SLCO2A1: variants seen among roughly 807,000 people sequenced by gnomAD.
The protein encoded by SLCO2A1 is solute carrier organic anion transporter family member 2A1.
In SLCO2A1, 60 loss-of-function variants were observed where a neutral mutation model predicts 71.7. That is an observed-to-expected ratio of 0.84 (90% CI 0.68 to 1.04). The LOEUF is 1.04. SLCO2A1 is among the 50% of genes least tolerant of loss of function. The pLI, the probability that SLCO2A1 is intolerant of heterozygous loss-of-function variation, is 0.00. For missense variants in SLCO2A1, 745 were observed against 813.4 expected (o/e 0.92, Z 1.02); for synonymous variants, 308 against 326.7 (o/e 0.94, Z 0.62).
intron 7 of SLCO2A1, 52 bp downstream of exon 7, chr3:133,948,841 T>C (rs1933657249): frequency 3.8e-6 from 6 of 1,598,786 alleles, no homozygotes; most frequent in Admixed American, 3.3e-5. Context: ...CCCTGGCCAC[T>C]ATCCCCTCCC....
intron 3 of SLCO2A1, among the ~76,000 whole-genome samples, chr3:133,963,425 G>A (rs1379863891): frequency 1.3e-5 from 2 of 152,188 alleles, no homozygotes; most frequent in Non-Finnish European, 2.9e-5. Context: ...CTAGAGCTGG[G>A]GTAGGGAGGG....
intron 1 of SLCO2A1, among the ~76,000 whole-genome samples, chr3:133,981,974 CAAAAA>C (rs34863339): frequency 9.1e-6 from 1 of 109,812 alleles, no homozygotes; most frequent in Non-Finnish European, 1.8e-5. Context: ...GACTCCGTCT[CAAAAA>C]AAAAAAAAAA....
intron 1 of SLCO2A1, among the ~76,000 whole-genome samples, chr3:134,025,573 AG>A (rs1396440306): frequency 2.6e-5 from 4 of 152,222 alleles, no homozygotes; most frequent in African/African-American, 9.6e-5. Flanking sequence ...GAGGCTATAT[AG>A]CAGAAAATAA....
chr3:133,964,615 AAAG>A (rs1216755318), intron 3 of SLCO2A1, among the ~76,000 whole-genome samples: 3 of 152,224 alleles, frequency 2.0e-5, no homozygotes, highest in African/African-American at 7.2e-5. Context: ...CTGTGGAGGA[AAAG>A]AAGCTCAGGG....
At chr3:133,975,898 ACT>A (rs1189459060) in intron 2 of SLCO2A1, among the ~76,000 whole-genome samples, 1 of 151,842 alleles carries the variant, frequency 6.6e-6, no homozygotes, top group Non-Finnish European at 1.5e-5. Flanking sequence ...CCCATCCATG[ACT>A]CTCTCTCTTC....
chr3:134,029,777 G>C lies in SLCO2A1; in HGVS notation c.26C>G (p.Ala9Gly). The stretch of plus-strand genomic sequence containing the variant: ...AGTAGAGGTGTCGCTGCCCTGGGAC[G>C]CGCCGAGCTTGGGCAGGAGCCCCAT... MGLLPKLG[A>G]SQGSDTSTSR... is the part of the protein sequence containing the mutation. Residue 9 changes from alanine (A) to glycine (G), a missense_variant, in exon 1 of 14, where the codon GCG becomes GGG. Physicochemically the swap from Ala to Gly is moderately conservative, Grantham distance 60 (BLOSUM62 0). Coordinates refer to ENST00000310926, the MANE Select transcript of SLCO2A1 (RefSeq NM_005630.3). The C allele has an allele frequency of 6.4e-7, 1 of 1,551,114 alleles. No homozygotes were observed. Among genetic ancestry groups the C allele is most frequent in the Non-Finnish European group, 8.7e-7 (1 of 1,154,446 alleles).
At chr3:134,010,581 G>A (rs1294251651) in intron 1 of SLCO2A1, among the ~76,000 whole-genome samples, 2 of 151,948 alleles carry the variant, frequency 1.3e-5, no homozygotes, top group Non-Finnish European at 2.9e-5. Context: ...GTTAAACCCT[G>A]TCTCTACTAA....
intron 3 of SLCO2A1, among the ~76,000 whole-genome samples, chr3:133,958,213 ATG>A (rs1293325733): frequency 2.0e-5 from 3 of 152,134 alleles, no homozygotes; most frequent in African/African-American, 7.2e-5. Context: ...AGGCTAACAG[ATG>A]TTGGAAGGCC....
intron 1 of SLCO2A1, among the ~76,000 whole-genome samples, chr3:134,003,098 C>G (rs1458267054): frequency 6.6e-6 from 1 of 151,902 alleles, no homozygotes; most frequent in African/African-American, 2.4e-5. Flanking sequence ...TTCTCAAAGG[C>G]AAGTGCAAGG....
intron 1 of SLCO2A1, among the ~76,000 whole-genome samples, chr3:133,986,416 C>G (rs573365061): frequency 2.6e-5 from 4 of 152,090 alleles, no homozygotes; most frequent in African/African-American, 9.7e-5. Flanking sequence ...AAGGGCTGTG[C>G]GTGTGTGTTA....
rs548924513 is a variant in SLCO2A1 at position 133,945,315 on chromosome 3, C to G, written c.1296-55G>C. On this transcript the variant is annotated intron_variant, in intron 9 of 13. Transcript: ENST00000310926. ...AACAAAGCAAGACCAAAGAAAAACC[C>G]TACACTCCAGCCCAGTGTGAGTTCC... 3.1e-4 allele frequency: 472 copies of G among 1,533,238 alleles called. 1 individual carries two copies. In the African/African-American group the frequency reaches 6.1e-3, roughly 20 times the overall value. 95.0% of individuals were successfully genotyped at this position (1,533,238 alleles called of 1,614,324 possible).
intron 1 of SLCO2A1, among the ~76,000 whole-genome samples, chr3:134,020,479 T>TCCCACTGGGGCAAAC (rs1308859125): frequency 6.6e-6 from 1 of 152,220 alleles, no homozygotes; most frequent in Non-Finnish European, 1.5e-5. Flanking sequence ...CGCTCAGGGG[T>TCCCACTGGGGCAAAC]AGGCATTTGC....
At chr3:134,026,756 C>A (rs1319138063) in intron 1 of SLCO2A1, among the ~76,000 whole-genome samples, 2 of 152,200 alleles carry the variant, frequency 1.3e-5, no homozygotes, top group African/African-American at 4.8e-5. Flanking sequence ...TGACTACTTG[C>A]TAGCAGCTGA....
intron 12 of SLCO2A1, among the ~76,000 whole-genome samples, chr3:133,936,307 A>T (rs1428543136): frequency 1.3e-5 from 2 of 152,138 alleles, no homozygotes; most frequent in Non-Finnish European, 2.9e-5. Flanking sequence ...GTGAAGAGGA[A>T]GGGGTTCTTG....
At position 133,948,713 on chromosome 3, in the gene SLCO2A1, C is replaced by G; in HGVS notation, c.941-13G>C. On this transcript the variant is annotated splice_polypyrimidine_tract_variant and intron_variant, in intron 7 of 13. Coordinates refer to ENST00000310926, the MANE Select transcript of SLCO2A1 (RefSeq NM_005630.3). ...ATGCATGGAAACCCTGTGAACAGACCGCTGTCAAGGCTCTGGCAGAACCCC... is the reference window on the plus strand; with the variant it reads ...ATGCATGGAAACCCTGTGAACAGACGGCTGTCAAGGCTCTGGCAGAACCCC... 1.2e-6 allele frequency: 2 copies of G among 1,611,436 alleles called. No individual in the cohort carries two copies. The highest frequency in any genetic ancestry group is 1.1e-5 in the South Asian group (1 of 90,698).
intron 1 of SLCO2A1, among the ~76,000 whole-genome samples, chr3:134,010,751 CAAAAAAAAAA>C (rs57260052): frequency 1.4e-5 from 1 of 70,898 alleles, no homozygotes; most frequent in Non-Finnish European, 3.0e-5. Context: ...AGACTCTGTC[CAAAAAAAAAA>C]AAAAAAAAAA....
intron 8 of SLCO2A1, 42 bp downstream of exon 8, chr3:133,948,494 C>A: frequency 6.3e-7 from 1 of 1,582,502 alleles, no homozygotes; most frequent in Non-Finnish European, 8.6e-7. Context: ...GCCTCCTGGC[C>A]CAGGCAAGCC....
chr3:134,006,376 G>A (rs572939567), intron 1 of SLCO2A1, among the ~76,000 whole-genome samples: 2 of 152,242 alleles, frequency 1.3e-5, no homozygotes, highest in South Asian at 4.1e-4. Context: ...GTGGCATTAA[G>A]TACATTCACG....
At chr3:133,982,257 C>A (rs1452628485) in intron 1 of SLCO2A1, among the ~76,000 whole-genome samples, 1 of 152,168 alleles carries the variant, frequency 6.6e-6, no homozygotes, top group East Asian at 1.9e-4. Flanking sequence ...AGATGCCTTG[C>A]CAGATCTTCC....
Sources: gnomAD v4.1 joint callset for allele counts (sites outside exome capture counted in the v4.1 genomes callset) on GRCh38, gnomAD v4.1.1 for gene constraint, MANE v1.5 for transcripts, NCBI Gene and HGNC (gene_info 2026-07-23, HGNC 2026-07-21) for gene names.